RYR3: variants seen among roughly 807,000 people sequenced by gnomAD.
RYR3 encodes ryanodine receptor 3, also known as brain ryanodine receptor-calcium release channel.
Under a neutral mutation model 584.3 loss-of-function variants are expected in RYR3, and 207 were observed. The ratio of observed to expected loss-of-function variants is 0.35; its 90% CI spans 0.32 to 0.40. The LOEUF (loss-of-function observed/expected upper bound fraction) is 0.40, where lower values mean the gene tolerates loss of function less well. RYR3 is among the 10% of genes least tolerant of loss of function. The probability of loss-of-function intolerance (pLI) is 1.00; values close to 1 mark genes in which losing one functional copy is unlikely to be tolerated. For synonymous variants in RYR3, 2,416 were observed against 2,248.5 expected (o/e 1.07, Z -2.11); for missense variants, 5,616 against 6,089.2 (o/e 0.92, Z 2.59).
chr15:33,714,245 T>C (rs1393793781), intron 43 of RYR3, among the ~76,000 whole-genome samples: 1 of 152,190 alleles, frequency 6.6e-6, no homozygotes, highest in Non-Finnish European at 1.5e-5. Context: ...AATCACTGTT[T>C]GGTGCTAATT....
In RYR3 at chr15:33,695,986, G is replaced by A. The variant is rs575613750; in HGVS notation, c.5861-232G>A. Among the ~76,000 whole-genome samples the A allele has an allele frequency of 3.9e-3, 544 of 140,594 alleles. 5 individuals are homozygous for A. The highest frequency in any genetic ancestry group is 0.013 in the African/African-American group (514 of 38,086). 92.2% of individuals were successfully genotyped at this position (140,594 alleles called of 152,430 possible). A position where few individuals can be genotyped will look rare whatever the true frequency, so the allele number is the denominator to read the frequency against. On this transcript the variant is annotated intron_variant, in intron 38 of 103. Transcript: ENST00000634891. ...TTTTTTTTTTTTTTGGTAGCAACAG[G>A]GTCTCGCTTTGTGGCCCAGGCTGGT...
At chr15:33,399,770 T>C (rs1177435050) in intron 1 of RYR3, among the ~76,000 whole-genome samples, 1 of 152,170 alleles carries the variant, frequency 6.6e-6, no homozygotes, top group Admixed American at 6.5e-5. Flanking sequence ...GAAAGAAAGA[T>C]AGATCTATAT....
chr15:33,362,276 A>C (rs550185266), intron 1 of RYR3, among the ~76,000 whole-genome samples: 4 of 152,178 alleles, frequency 2.6e-5, no homozygotes, highest in Non-Finnish European at 5.9e-5. Context: ...CAAAATGAAC[A>C]GCCTGATGTT....
chr15:33,527,672 G>C (rs985971778), intron 3 of RYR3, among the ~76,000 whole-genome samples: 1 of 152,056 alleles, frequency 6.6e-6, no homozygotes, highest in African/African-American at 2.4e-5. Flanking sequence ...AAAATTGCCT[G>C]ATGCACGGCC....
At chr15:33,518,785 T>C (rs2053738416) in intron 3 of RYR3, among the ~76,000 whole-genome samples, 1 of 152,210 alleles carries the variant, frequency 6.6e-6, no homozygotes, top group Admixed American at 6.5e-5. Context: ...CTCTGAAAGG[T>C]GGGCTTTGGA....
At chr15:33,322,109 T>A (rs1969047211) in intron 1 of RYR3, among the ~76,000 whole-genome samples, 2 of 152,218 alleles carry the variant, frequency 1.3e-5, no homozygotes, top group Non-Finnish European at 2.9e-5. Flanking sequence ...CACATGCATC[T>A]TAGAACTTGG....
intron 1 of RYR3, among the ~76,000 whole-genome samples, chr15:33,371,875 T>A (rs2040359852): frequency 6.6e-6 from 1 of 152,188 alleles, no homozygotes; most frequent in South Asian, 2.1e-4. Flanking sequence ...GAGGGTGGGC[T>A]AAGGCAGCGG....
intron 1 of RYR3, among the ~76,000 whole-genome samples, chr15:33,455,577 A>T (rs2047483437): frequency 6.6e-6 from 1 of 152,208 alleles, no homozygotes; most frequent in Admixed American, 6.5e-5. Flanking sequence ...ACATAGGTCA[A>T]GTAAGACAAG....
chr15:33,784,046 C>A (rs1434055669), intron 65 of RYR3, among the ~76,000 whole-genome samples: 3 of 152,204 alleles, frequency 2.0e-5, no homozygotes, highest in African/African-American at 4.8e-5. Flanking sequence ...GTGATAGCAA[C>A]AAAAGTCATC....
Position 33,528,166 on chromosome 15 carries a change from C to T in RYR3, c.280-2426C>T, listed in dbSNP as rs377521078. On this transcript the variant is annotated intron_variant, in intron 3 of 103. Coordinates refer to ENST00000634891, the MANE Select transcript of RYR3 (RefSeq NM_001036.6). Reference sequence around the variant, plus strand: ...TTCTAAGGTACAATTTTGATTGTGACACTGTCCTTTCAAAAATCTACTCCA... The same window carrying T: ...TTCTAAGGTACAATTTTGATTGTGATACTGTCCTTTCAAAAATCTACTCCA... Among the ~76,000 whole-genome samples, 163 of 152,188 alleles carry T rather than the reference C, an allele frequency of 1.1e-3. 8 individuals are homozygous for T. In the South Asian group the frequency reaches 0.033, roughly 31 times the overall value.
At chr15:33,844,215 G>A (rs774733654) in intron 92 of RYR3, among the ~76,000 whole-genome samples, 7 of 152,036 alleles carry the variant, frequency 4.6e-5, no homozygotes, top group Non-Finnish European at 8.8e-5. Flanking sequence ...CTTTCCACTC[G>A]ACAAACTAAT....
At chr15:33,658,395 A>G (rs964734893) in intron 32 of RYR3, among the ~76,000 whole-genome samples, 7 of 152,214 alleles carry the variant, frequency 4.6e-5, no homozygotes, top group Non-Finnish European at 1.0e-4. Context: ...CTCCAAGGTC[A>G]TCTGGAGAAG....
At chr15:33,605,902 G>A (rs144124748) in intron 18 of RYR3, among the ~76,000 whole-genome samples, 230 of 152,294 alleles carry the variant, frequency 1.5e-3, no homozygotes, top group African/African-American at 5.1e-3. Context: ...GAAAGTGGTC[G>A]TGATAAATTA....
At chr15:33,750,963 C>A (rs1847945611) in intron 57 of RYR3, among the ~76,000 whole-genome samples, 1 of 152,058 alleles carries the variant, frequency 6.6e-6, no homozygotes, top group Admixed American at 6.6e-5. Flanking sequence ...CGAGTGAGAA[C>A]ATGTTTGCTT....
intron 91 of RYR3, 57 bp downstream of exon 91, chr15:33,842,092 C>G: frequency 6.5e-7 from 1 of 1,530,928 alleles, no homozygotes; most frequent in Non-Finnish European, 8.9e-7. Flanking sequence ...AGGCAGATGG[C>G]AGAGAGGTGC....
intron 16 of RYR3, among the ~76,000 whole-genome samples, chr15:33,596,504 G>GA (rs1042988523): frequency 6.9e-6 from 1 of 143,998 alleles, no homozygotes; most frequent in African/African-American, 2.6e-5. Context: ...TTGGGGGGGG[G>GA]GGATTTCTGA....
chr15:33,596,921 G>T (rs1279859502), intron 16 of RYR3, among the ~76,000 whole-genome samples: 1 of 152,038 alleles, frequency 6.6e-6, no homozygotes, highest in Non-Finnish European at 1.5e-5. Context: ...CTGGGCATAG[G>T]CCGAACTAAC....
Position 33,376,042 on chromosome 15 carries a change from G to A in RYR3, c.51+64946G>A, listed in dbSNP as rs570782701. Among the ~76,000 whole-genome samples, 17 of 152,074 alleles carry A rather than the reference G, an allele frequency of 1.1e-4. 1 individual carries two copies. The highest frequency in any genetic ancestry group is 6.6e-4 in the Admixed American group (10 of 15,264). On this transcript the variant is annotated intron_variant, in intron 1 of 103. Coordinates refer to ENST00000634891, the MANE Select transcript of RYR3 (RefSeq NM_001036.6). Reference sequence around the variant, plus strand: ...TCGCGCCACTGCACTCCAGCCTGGGGAACAGAGTGCGACTCCATCTCAAAA... The same window carrying A: ...TCGCGCCACTGCACTCCAGCCTGGGAAACAGAGTGCGACTCCATCTCAAAA...
chr15:33,807,759 TGGGGAAGCC>T, intron 70 of RYR3, 190 bp downstream of exon 70: 2 of 623,662 alleles, frequency 3.2e-6, no homozygotes, highest in South Asian at 4.0e-5. Context: ...ACCCTTGGAA[TGGGGAAGCC>T]GGGGAAGCCA....
Sources: allele counts gnomAD v4.1 joint callset (sites outside exome capture counted in the v4.1 genomes callset), GRCh38; gene constraint gnomAD v4.1.1; transcripts MANE v1.5; gene names NCBI Gene and HGNC (gene_info 2026-07-23, HGNC 2026-07-21).